Variants in OPTN observed in about 807,000 individuals in gnomAD.
OPTN encodes the protein optineurin.
OPTN carries 54 observed loss-of-function variants against 70.4 expected under a neutral mutation model. The ratio of observed to expected loss-of-function variants is 0.77; its 90% CI spans 0.62 to 0.96. The LOEUF (loss-of-function observed/expected upper bound fraction) is 0.96, where lower values mean the gene tolerates loss of function less well. OPTN is among the 40% of genes least tolerant of loss of function. The pLI is 0.00. For synonymous variants in OPTN, 256 were observed against 248.5 expected (o/e 1.03, Z -0.28); for missense variants, 624 against 673.2 (o/e 0.93, Z 0.81).
chr10:13,111,258 C>T (rs1448026277), intron 4 of OPTN, among the ~76,000 whole-genome samples: 3 of 152,038 alleles, frequency 2.0e-5, no homozygotes, highest in African/African-American at 4.8e-5. Flanking sequence ...TCCACTGTTG[C>T]CAAAGTGTGG....
At chr10:13,115,644 T>C (rs1318880438) in intron 5 of OPTN, among the ~76,000 whole-genome samples, 3 of 139,382 alleles carry the variant, frequency 2.2e-5, no homozygotes, top group Non-Finnish European at 3.0e-5. Context: ...AAATATATTA[T>C]ATATATATTT....
chr10:13,130,470 C>T (rs1330935997), intron 12 of OPTN, among the ~76,000 whole-genome samples: 1 of 142,056 alleles, frequency 7.0e-6, no homozygotes, highest in Non-Finnish European at 1.5e-5. Context: ...ACTGTTCTTA[C>T]TGCCTGGGAT....
At chr10:13,114,879 T>A (rs11258202) in intron 5 of OPTN, among the ~76,000 whole-genome samples, 1 of 64,622 alleles carries the variant, frequency 1.5e-5, no homozygotes, top group Non-Finnish European at 2.7e-5. Flanking sequence ...TATAATTGTA[T>A]TATATACACT....
intron 7 of OPTN, among the ~76,000 whole-genome samples, chr10:13,120,584 A>G (rs1302059283): frequency 1.3e-5 from 2 of 152,040 alleles, no homozygotes; most frequent in Non-Finnish European, 2.9e-5. Context: ...AAAAAAAAAA[A>G]AAGAATTTTG....
intron 12 of OPTN, among the ~76,000 whole-genome samples, chr10:13,131,836 G>T (rs1421772404): frequency 1.3e-5 from 2 of 152,114 alleles, no homozygotes; most frequent in Non-Finnish European, 2.9e-5. Flanking sequence ...ACCTATATCA[G>T]TGCAGTTGCA....
Position 13,133,593 on chromosome 10 carries a change from G to C in OPTN, c.1612+12G>C, listed in dbSNP as rs761860136. ...CCTTGTTCAAAGAGGTGAGTCCCGTGTGATCCTGGATTTTCAGGAAATAGC... is the reference window on the plus strand; with the variant it reads ...CCTTGTTCAAAGAGGTGAGTCCCGTCTGATCCTGGATTTTCAGGAAATAGC... On this transcript the variant is annotated intron_variant, in intron 14 of 14. Transcript: ENST00000378747. The C allele has an allele frequency of 4.3e-6, 7 of 1,612,070 alleles. No individual in the cohort carries two copies. In the East Asian group the frequency reaches 1.6e-4, roughly 36 times the overall value.
intron 14 of OPTN, 97 bp from the exon 15 acceptor site, chr10:13,136,648 G>A (rs1275221355): frequency 2.0e-6 from 3 of 1,468,654 alleles, no homozygotes; most frequent in African/African-American, 2.8e-5. Context: ...TGAATACGAA[G>A]TTGAACTGAT....
At chr10:13,126,297 T>A (rs1389420264) in intron 11 of OPTN, among the ~76,000 whole-genome samples, 3 of 151,070 alleles carry the variant, frequency 2.0e-5, no homozygotes, top group Non-Finnish European at 4.4e-5. Flanking sequence ...TTTTTTTTTT[T>A]TGAGACGGAG....
At chr10:13,118,669 T>G (rs1367762413) in intron 6 of OPTN, among the ~76,000 whole-genome samples, 1 of 152,188 alleles carries the variant, frequency 6.6e-6, no homozygotes, top group Non-Finnish European at 1.5e-5. Context: ...AGCTGGCCTC[T>G]CCAGAGCCTC....
At chr10:13,132,931 G>A (rs1050387990) in intron 13 of OPTN, among the ~76,000 whole-genome samples, 1 of 151,614 alleles carries the variant, frequency 6.6e-6, no homozygotes, top group African/African-American at 2.4e-5. Flanking sequence ...TTTATTAAAG[G>A]AAAAAGGGAG....
intron 1 of OPTN, among the ~76,000 whole-genome samples, chr10:13,101,603 G>GA (rs1168662466): frequency 4.0e-5 from 6 of 151,390 alleles, no homozygotes; most frequent in Non-Finnish European, 5.9e-5. Flanking sequence ...AAAGGAAAAA[G>GA]AAAAAAATTA....
chr10:13,135,512 A>G (rs375833288), intron 14 of OPTN, among the ~76,000 whole-genome samples: 3 of 151,628 alleles, frequency 2.0e-5, no homozygotes, highest in East Asian at 3.9e-4. Context: ...CCTTTCTCCC[A>G]TGGACACCCT....
At chr10:13,107,559 T>C (rs1026774718) in intron 1 of OPTN, among the ~76,000 whole-genome samples, 1 of 151,478 alleles carries the variant, frequency 6.6e-6, no homozygotes, top group Admixed American at 6.6e-5. Flanking sequence ...TTTGTATTTT[T>C]TTTATTAGAG....
At chr10:13,127,382 C>T (rs78859725) in intron 11 of OPTN, among the ~76,000 whole-genome samples, 2,072 of 152,310 alleles carry the variant, frequency 0.014, 40 homozygotes, top group South Asian at 0.054. Flanking sequence ...ACAGTATCAA[C>T]GAGTCACAGC....
intron 1 of OPTN, among the ~76,000 whole-genome samples, chr10:13,106,787 T>C (rs570491055): frequency 5.3e-5 from 8 of 152,314 alleles, no homozygotes; most frequent in African/African-American, 1.9e-4. Context: ...AATGCACACA[T>C]AGATATCATG....
intron 7 of OPTN, among the ~76,000 whole-genome samples, chr10:13,120,619 C>T (rs1349732751): frequency 1.3e-5 from 2 of 151,778 alleles, no homozygotes; most frequent in East Asian, 3.9e-4. Flanking sequence ...ACATTTAAGC[C>T]TGTGGTCCAT....
chr10:13,103,863 G>C (rs1832803486), intron 1 of OPTN, among the ~76,000 whole-genome samples: 1 of 152,064 alleles, frequency 6.6e-6, no homozygotes, highest in East Asian at 1.9e-4. Flanking sequence ...CCTCATTGGT[G>C]GAATCTTGAC....
intron 12 of OPTN, among the ~76,000 whole-genome samples, chr10:13,128,851 T>TA (rs906824784): frequency 5.9e-5 from 9 of 152,048 alleles, no homozygotes; most frequent in African/African-American, 2.2e-4. Flanking sequence ...CCTGGCTTTT[T>TA]AAAAAAATGT....
Position 13,112,450 on chromosome 10 carries a change from C to G in OPTN, c.370-3C>G. 1 of 1,613,836 alleles carries G rather than the reference C, an allele frequency of 6.2e-7. No individual in the cohort carries two copies. The highest frequency in any genetic ancestry group is 8.5e-7 in the Non-Finnish European group (1 of 1,179,890). On this transcript the variant is annotated splice_region_variant and splice_polypyrimidine_tract_variant and intron_variant, in intron 4 of 14. Transcript: ENST00000378747. ...CATTCACTTTACTCCTTGTCATCTC[C>G]AGGACCCCACTGATGACTCCAGGCT... is the stretch of plus-strand genomic sequence containing the variant.
Sources: allele counts gnomAD v4.1 joint callset (sites outside exome capture counted in the v4.1 genomes callset), GRCh38; gene constraint gnomAD v4.1.1; transcripts MANE v1.5; gene names NCBI Gene and HGNC (gene_info 2026-07-23, HGNC 2026-07-21).